Variants in MAP3K7CL observed in about 807,000 individuals in gnomAD.
MAP3K7CL encodes the protein MAP3K7 C-terminal like, also known as MAP3K7 C-terminal-like protein.
Under a neutral mutation model 18.6 loss-of-function variants are expected in MAP3K7CL, and 16 were observed. That is an observed-to-expected ratio of 0.86 (90% CI 0.58 to 1.31). MAP3K7CL has a LOEUF of 1.31. Ranked by LOEUF, MAP3K7CL falls within the 50% of genes most tolerant of loss-of-function variation. The pLI is 0.00. For missense variants in MAP3K7CL, 163 were observed against 174.4 expected, an observed-to-expected ratio of 0.93 and a Z score of 0.37; for synonymous variants, 65 against 66.8, an observed-to-expected ratio of 0.97 and a Z score of 0.13.
upstream of MAP3K7CL, among the ~76,000 whole-genome samples, chr21:29,129,828 A>G (rs867218594): frequency 3.9e-5 from 6 of 152,212 alleles, no homozygotes; most frequent in African/African-American, 1.4e-4. Context: ...TGTTGTCAGT[A>G]TTTTGAATTT....
At chr21:29,140,669 G>A (rs368594466) in intron 2 of MAP3K7CL, among the ~76,000 whole-genome samples, 1 of 152,182 alleles carries the variant, frequency 6.6e-6, no homozygotes, top group East Asian at 1.9e-4. Flanking sequence ...TGGGGTTGAT[G>A]GAGGAAGGTT....
At chr21:29,081,365 C>A (rs914298769), upstream of MAP3K7CL, among the ~76,000 whole-genome samples, 1 of 152,170 alleles carries the variant, frequency 6.6e-6, no homozygotes, top group African/African-American at 2.4e-5. Flanking sequence ...CTGGCTAACA[C>A]GGTGAAACCC....
At chr21:29,107,098 A>G (rs1312064977) in intron 4 of MAP3K7CL, among the ~76,000 whole-genome samples, 2 of 152,104 alleles carry the variant, frequency 1.3e-5, no homozygotes, top group African/African-American at 4.8e-5. Flanking sequence ...CGGGTGGATC[A>G]TGAGGTCAGG....
chr21:29,165,396 C>T (rs1417331223), intron 4 of MAP3K7CL, among the ~76,000 whole-genome samples: 1 of 151,962 alleles, frequency 6.6e-6, no homozygotes. Context: ...TGAATAAGTT[C>T]TTTAGTGATG....
At position 29,121,055 on chromosome 21, in the gene MAP3K7CL, G is replaced by GACCCTGTATCAAAAAAAGATATATAT. The variant is rs58666252; in HGVS notation, c.371-28133_371-28132insCCCTGTATCAAAAAAAGATATATATA. Among the ~76,000 whole-genome samples, 19 of 121,102 alleles carry GACCCTGTATCAAAAAAAGATATATAT rather than the reference G, an allele frequency of 1.6e-4. 2 individuals carry two copies. The highest frequency in any genetic ancestry group is 2.2e-4 in the African/African-American group (7 of 32,300). The allele number at this position is 121,102 out of a possible 152,430, so 79.4% of individuals were successfully genotyped here. On this transcript the variant is annotated intron_variant, in intron 4 of 6. Transcript: ENST00000286791. ...TACTTCAGCCTGGGCAACAGAGTCA[G>GACCCTGTATCAAAAAAAGATATATAT]ATATATATATATAGTGTATATATGA...
chr21:29,129,113 A>T (rs60872011), upstream of MAP3K7CL, among the ~76,000 whole-genome samples: 1,009 of 152,306 alleles, frequency 6.6e-3, 8 homozygotes, highest in African/African-American at 0.023. Flanking sequence ...GAATTCCCAT[A>T]TATTTCCTCA....
chr21:29,081,422 A>G (rs1022342781), upstream of MAP3K7CL, among the ~76,000 whole-genome samples: 1 of 152,194 alleles, frequency 6.6e-6, no homozygotes, highest in Non-Finnish European at 1.5e-5. Context: ...GCATGGTGGC[A>G]GGCGCCTGTA....
intron 4 of MAP3K7CL, among the ~76,000 whole-genome samples, chr21:29,098,346 G>T (rs928321046): frequency 6.6e-6 from 1 of 152,036 alleles, no homozygotes; most frequent in African/African-American, 2.4e-5. Flanking sequence ...TACTCTCTGA[G>T]CCTGAGCCAT....
intron 4 of MAP3K7CL, among the ~76,000 whole-genome samples, chr21:29,106,827 C>T (rs535847715): frequency 5.9e-5 from 9 of 152,296 alleles, no homozygotes; most frequent in East Asian, 3.9e-4. Context: ...CCCTACTCTC[C>T]GCCCCTAGCC....
intron 3 of MAP3K7CL, among the ~76,000 whole-genome samples, chr21:29,159,375 G>C (rs1318859346): frequency 1.3e-5 from 2 of 151,970 alleles, no homozygotes; most frequent in Non-Finnish European, 2.9e-5. Flanking sequence ...TTTTTTTTAG[G>C]GGGAGGGAGA....
intron 4 of MAP3K7CL, among the ~76,000 whole-genome samples, chr21:29,115,813 T>C (rs1271189038): frequency 6.6e-6 from 1 of 152,252 alleles, no homozygotes; most frequent in Non-Finnish European, 1.5e-5. Context: ...CTGGCCCTGC[T>C]CGCAGGATCA....
chr21:29,171,586 C>T (rs544421666), intron 4 of MAP3K7CL, among the ~76,000 whole-genome samples: 115 of 152,172 alleles, frequency 7.6e-4, no homozygotes, highest in Non-Finnish European at 1.3e-3. Context: ...GAGGCTGAGG[C>T]GGGAGGATCA....
At chr21:29,162,683 C>CA (rs34759620) in intron 4 of MAP3K7CL, among the ~76,000 whole-genome samples, 224 of 122,472 alleles carry the variant, frequency 1.8e-3, no homozygotes, top group Middle Eastern at 8.9e-3. Flanking sequence ...AACTCTGTCT[C>CA]AAAAAAAAAA....
chr21:29,162,974 G>A (rs1601267555), intron 4 of MAP3K7CL, among the ~76,000 whole-genome samples: 1 of 152,078 alleles, frequency 6.6e-6, no homozygotes, highest in East Asian at 1.9e-4. Context: ...GGGTGTGGTA[G>A]ATAGCACGTG....
chr21:29,159,822 CG>C, intron 3 of MAP3K7CL, 118 bp from the exon 4 acceptor site: 9 of 624,236 alleles, frequency 1.4e-5, no homozygotes, highest in Non-Finnish European at 5.2e-6. Flanking sequence ...GCTGTTCTCA[CG>C]TTAAAAAAAA....
intron 4 of MAP3K7CL, among the ~76,000 whole-genome samples, chr21:29,124,521 C>T (rs2086651650): frequency 6.6e-6 from 1 of 152,022 alleles, no homozygotes; most frequent in South Asian, 2.1e-4. Context: ...AAAGGCAAAA[C>T]AGTGGCTACA....
intron 4 of MAP3K7CL, among the ~76,000 whole-genome samples, chr21:29,161,108 G>T (rs890288846): frequency 2.0e-5 from 3 of 152,204 alleles, no homozygotes; most frequent in Non-Finnish European, 4.4e-5. Flanking sequence ...GTCAGGATTT[G>T]AGAACAGCCT....
intron 1 of MAP3K7CL, among the ~76,000 whole-genome samples, chr21:29,078,955 A>G (rs1307185161): frequency 2.0e-5 from 3 of 152,230 alleles, no homozygotes; most frequent in Non-Finnish European, 1.5e-5. Flanking sequence ...CATTACATAG[A>G]TGACAAAAGG....
At chr21:29,114,018 T>G (rs367716871) in intron 4 of MAP3K7CL, among the ~76,000 whole-genome samples, 1 of 152,132 alleles carries the variant, frequency 6.6e-6, no homozygotes, top group Non-Finnish European at 1.5e-5. Context: ...TGATCTATAT[T>G]TGGGAGTTAA....
Sources: gnomAD v4.1 joint callset for allele counts (sites outside exome capture counted in the v4.1 genomes callset) on GRCh38, gnomAD v4.1.1 for gene constraint, MANE v1.5 for transcripts, NCBI Gene and HGNC (gene_info 2026-07-23, HGNC 2026-07-21) for gene names.